PODXL: variants seen among roughly 807,000 people sequenced by gnomAD.
PODXL encodes the protein podocalyxin like.
PODXL carries 20 observed loss-of-function variants against 48.9 expected under a neutral mutation model. The observed-to-expected ratio is 0.41, with a 90% confidence interval of 0.29 to 0.59. The LOEUF (loss-of-function observed/expected upper bound fraction) is 0.59. PODXL is among the 20% of genes least tolerant of loss of function. The pLI is 0.31. For missense variants in PODXL, 606 were observed against 675.1 expected (o/e 0.90, Z 1.13); for synonymous variants, 295 against 287.4 (o/e 1.03, Z -0.27).
intron 1 of PODXL, among the ~76,000 whole-genome samples, chr7:131,538,122 A>C (rs905201138): frequency 6.6e-6 from 1 of 152,270 alleles, no homozygotes; most frequent in East Asian, 1.9e-4. Context: ...TGCAGAGTAC[A>C]GGAGGGAGAT....
rs138022509 is a variant in PODXL, at chr7:131,504,424, T to C, written c.1564A>G (p.Met522Val). 79 of 1,613,674 alleles carry C rather than the reference T, an allele frequency of 4.9e-5. No individual in the cohort carries two copies. The highest frequency in any genetic ancestry group is 5.6e-5 in the Non-Finnish European group (66 of 1,179,642). ...AGGCTGACCACCTTCTTCTCCTGCA[T>C]CTCAGAAGAGGTCTCCATCACTTCC... ...TLEVMETSSEMQEKKVVSLNG... is the reference protein window; with the variant it reads ...TLEVMETSSEVQEKKVVSLNG... The change falls in exon 9 of 9, where the codon ATG becomes GTG. Residue 522 changes from methionine to valine, a missense_variant. Coordinates refer to ENST00000378555, the MANE Select transcript of PODXL (RefSeq NM_001018111.3).
chr7:131,507,068 G>C, intron 5 of PODXL: 1 of 265,898 alleles, frequency 3.8e-6, no homozygotes, highest in South Asian at 5.2e-5. Flanking sequence ...TCCCTCCCTA[G>C]AACGGGCTAG....
chr7:131,504,425 C>A lies in PODXL; in HGVS notation c.1563G>T (p.Glu521Asp). ...GGCTGACCACCTTCTTCTCCTGCAT[C>A]TCAGAAGAGGTCTCCATCACTTCCA... Reference protein sequence around the residue: ...PTLEVMETSSEMQEKKVVSLN... With the variant: ...PTLEVMETSSDMQEKKVVSLN... The change falls in exon 9 of 9, where the codon GAG becomes GAT. Residue 521 changes from glutamate (E) to aspartate (D), a missense_variant. Physicochemically the swap from Glu to Asp is conservative, Grantham distance 45. Coordinates refer to ENST00000378555, the MANE Select transcript of PODXL (RefSeq NM_001018111.3). 2 of 1,613,840 alleles carry A rather than the reference C, an allele frequency of 1.2e-6. No individual in the cohort carries two copies. The highest frequency in any genetic ancestry group is 8.5e-7 in the Non-Finnish European group (1 of 1,179,670).
At chr7:131,548,782 TC>T (rs1798623461) in intron 1 of PODXL, among the ~76,000 whole-genome samples, 1 of 151,956 alleles carries the variant, frequency 6.6e-6, no homozygotes, top group Non-Finnish European at 1.5e-5. Context: ...CATGGCCCCC[TC>T]CTGCTTCCTA....
In PODXL at chr7:131,556,493, C is replaced by T; in HGVS notation, c.-134G>A. ...CCGGAGGCCAGGCTGTGGCCCGGGG[C>T]TCCCGAGTCGCGCTGCGGCGGCTCT... On this transcript the variant is annotated 5_prime_UTR_variant, in exon 1 of 9. Coordinates refer to ENST00000378555, the MANE Select transcript of PODXL (RefSeq NM_001018111.3). 9.2e-7 allele frequency: 1 copy of T among 1,091,410 alleles called. No homozygotes were observed. The highest frequency in any genetic ancestry group is 1.2e-6 in the Non-Finnish European group (1 of 857,274). The allele number at this position is 1,091,410 out of a possible 1,614,324, so 67.6% of individuals were successfully genotyped here. A position where few individuals can be genotyped will look rare whatever the true frequency, so the allele number is the denominator to read the frequency against.
At position 131,540,260 on chromosome 7, in the gene PODXL, T is replaced by A. The variant is rs35900352; in HGVS notation, c.100+16000A>T. On this transcript the variant is annotated intron_variant, in intron 1 of 8. Transcript: ENST00000378555. Reference sequence around the variant, plus strand: ...TACGGTCTCACTCTGTTGCCCAAACTAGCCTTGAACTCCTGAGCTCAAGTG... The same window carrying A: ...TACGGTCTCACTCTGTTGCCCAAACAAGCCTTGAACTCCTGAGCTCAAGTG... Among the ~76,000 whole-genome samples the A allele has an allele frequency of 6.9e-3, 1,045 of 152,256 alleles. 3 individuals carry two copies. The highest frequency in any genetic ancestry group is 0.012 in the Non-Finnish European group (788 of 68,016).
chr7:131,520,568 TA>T (rs1278012126), intron 1 of PODXL: 1 of 166,364 alleles, frequency 6.0e-6, no homozygotes, highest in Non-Finnish European at 1.3e-5. Flanking sequence ...GGAAAAAAAA[TA>T]AATTGAATAG....
intron 1 of PODXL, among the ~76,000 whole-genome samples, chr7:131,541,865 G>T (rs115265715): frequency 0.027 from 4,116 of 152,186 alleles, 201 homozygotes; most frequent in African/African-American, 0.093. Flanking sequence ...GTTTCCTATG[G>T]GCACCGCCTA....
intron 1 of PODXL, among the ~76,000 whole-genome samples, chr7:131,524,379 C>CACACAGAGAGAGAGATAGAGAG (rs746255906): frequency 9.6e-6 from 1 of 104,052 alleles, no homozygotes; most frequent in South Asian, 3.6e-4. Flanking sequence ...CACACACACA[C>CACACAGAGAGAGAGATAGAGAG]AGAGAGAGAG....
intron 1 of PODXL, among the ~76,000 whole-genome samples, chr7:131,544,656 TACGCACGC>T (rs148966788): frequency 0.2 from 4,103 of 20,904 alleles, 196 homozygotes; most frequent in African/African-American, 0.22. Flanking sequence ...CGCCCTGTAC[TACGCACGC>T]ACGCCCTGTA....
chr7:131,506,375 G>A (rs1393661274), intron 6 of PODXL, 54 bp from the exon 7 acceptor site: 5 of 1,580,118 alleles, frequency 3.2e-6, no homozygotes, highest in Non-Finnish European at 4.4e-6. Flanking sequence ...AGGCAGTGGG[G>A]GACGGGGACT....
chr7:131,543,248 C>T (rs1798512105), intron 1 of PODXL, among the ~76,000 whole-genome samples: 1 of 152,106 alleles, frequency 6.6e-6, no homozygotes, highest in Non-Finnish European at 1.5e-5. Context: ...ACCTCAGCCT[C>T]CCAGGTAGCT....
intron 1 of PODXL, among the ~76,000 whole-genome samples, chr7:131,526,935 C>T (rs1798197605): frequency 6.6e-6 from 1 of 151,940 alleles, no homozygotes; most frequent in African/African-American, 2.4e-5. Flanking sequence ...GATGGGGTTT[C>T]ACCATGTTGG....
In PODXL at chr7:131,505,892, C is replaced by T; in HGVS notation, c.1455G>A (p.Gln485=). The change falls in exon 8 of 9, where the codon CAG becomes CAA. Residue 485 remains glutamine, a synonymous_variant. Coordinates refer to ENST00000378555, the MANE Select transcript of PODXL (RefSeq NM_001018111.3). Reference sequence around the variant, plus strand: ...CCTGGTCCTTCCTCTGGGAGAGGCGCTGGTGGCAGCAGCCATAGAGGGCCG... The same window carrying T: ...CCTGGTCCTTCCTCTGGGAGAGGCGTTGGTGGCAGCAGCCATAGAGGGCCG... ...LVAALYGCCH[Q]RLSQRKDQQR... is the part of the protein sequence containing the mutation. 6.4e-7 allele frequency: 1 copy of T among 1,570,940 alleles called. No homozygotes were observed. The highest frequency in any genetic ancestry group is 8.6e-7 in the Non-Finnish European group (1 of 1,158,140).
At chr7:131,522,749 T>C (rs1798111061) in intron 1 of PODXL, among the ~76,000 whole-genome samples, 1 of 152,220 alleles carries the variant, frequency 6.6e-6, no homozygotes, top group African/African-American at 2.4e-5. Flanking sequence ...GTAAACGGGA[T>C]CATACACTAC....
intron 1 of PODXL, 50 bp from the exon 2 acceptor site, chr7:131,511,483 A>G (rs775975434): frequency 1.3e-6 from 2 of 1,579,958 alleles, no homozygotes; most frequent in South Asian, 2.3e-5. Flanking sequence ...AGGCTTCCTC[A>G]CCACGCTTCT....
chr7:131,525,701 C>T (rs1798172933), intron 1 of PODXL, among the ~76,000 whole-genome samples: 1 of 151,654 alleles, frequency 6.6e-6, no homozygotes. Flanking sequence ...GATACTGTAA[C>T]GAACTGCATA....
chr7:131,506,378 C>G (rs369480212), intron 6 of PODXL, 57 bp from the exon 7 acceptor site: 2 of 1,574,754 alleles, frequency 1.3e-6, no homozygotes, highest in East Asian at 4.5e-5. Flanking sequence ...CAGTGGGGGA[C>G]GGGGACTGCG....
intron 1 of PODXL, among the ~76,000 whole-genome samples, chr7:131,542,251 C>T (rs888025298): frequency 2.0e-5 from 3 of 152,200 alleles, no homozygotes; most frequent in Non-Finnish European, 4.4e-5. Context: ...TCTCTGCCCT[C>T]TCTCTCTGCC....
Sources: allele counts gnomAD v4.1 joint callset (sites outside exome capture counted in the v4.1 genomes callset), GRCh38; gene constraint gnomAD v4.1.1; transcripts MANE v1.5; gene names NCBI Gene and HGNC (gene_info 2026-07-23, HGNC 2026-07-21).